Variants in CNTNAP4 observed in about 807,000 individuals in gnomAD.
CNTNAP4 encodes contactin-associated protein-like 4.
In CNTNAP4, 98 loss-of-function variants were observed where a neutral mutation model predicts 148.4. The observed-to-expected ratio is 0.66, with a 90% CI of 0.56 to 0.78. CNTNAP4 has a LOEUF of 0.78. Ranked by LOEUF, CNTNAP4 falls within the 30% of genes least tolerant of loss-of-function variation. CNTNAP4 has a pLI of 0.00. For synonymous variants in CNTNAP4, 730 were observed against 565.1 expected (o/e 1.29, Z -4.14); for missense variants, 1,935 against 1,565.6 (o/e 1.24, Z -3.98).
intron 12 of CNTNAP4, among the ~76,000 whole-genome samples, chr16:76,481,927 A>G (rs12596078): frequency 0.36 from 54,480 of 151,902 alleles, 11,208 homozygotes; most frequent in Middle Eastern, 0.48. Flanking sequence ...GGGGAAGAGT[A>G]TGGGCTTCAT....
At chr16:76,348,327 G>T (rs538826819) in intron 2 of CNTNAP4, among the ~76,000 whole-genome samples, 3 of 151,966 alleles carry the variant, frequency 2.0e-5, no homozygotes, top group Non-Finnish European at 4.4e-5. Context: ...AAGTAGAATA[G>T]AATTCTCCAG....
chr16:76,328,481 C>G (rs1217088857), intron 2 of CNTNAP4, among the ~76,000 whole-genome samples: 1 of 152,144 alleles, frequency 6.6e-6, no homozygotes, highest in African/African-American at 2.4e-5. Context: ...TGACTAAACG[C>G]AACAACATGA....
At chr16:76,387,181 A>C (rs1315539299) in intron 3 of CNTNAP4, among the ~76,000 whole-genome samples, 1 of 152,114 alleles carries the variant, frequency 6.6e-6, no homozygotes, top group Admixed American at 6.6e-5. Context: ...AATTTGGTAC[A>C]CTCCATGCCT....
intron 2 of CNTNAP4, among the ~76,000 whole-genome samples, chr16:76,335,462 A>G (rs370009592): frequency 2.0e-5 from 3 of 152,180 alleles, no homozygotes; most frequent in Non-Finnish European, 4.4e-5. Flanking sequence ...ATGAGCAGGC[A>G]GAAGGCATCC....
At chr16:76,433,284 C>T (rs1231530488) in intron 4 of CNTNAP4, among the ~76,000 whole-genome samples, 2 of 152,034 alleles carry the variant, frequency 1.3e-5, no homozygotes, top group Non-Finnish European at 2.9e-5. Flanking sequence ...TAAAGGTTAG[C>T]CTACCAGGAG....
At position 76,277,733 on chromosome 16, in the gene CNTNAP4, A is replaced by T; in HGVS notation, c.71A>T (p.Glu24Val). ...LLSTQNWNRV[E>V]AGNSYDCDDP... Reference sequence around the variant, plus strand: ...TCTACTCAAAATTGGAACAGAGTCGAAGCTGGGAATTCCTGTAAGTATACA... The same window carrying T: ...TCTACTCAAAATTGGAACAGAGTCGTAGCTGGGAATTCCTGTAAGTATACA... Residue 24 changes from glutamate to valine, a missense_variant, in exon 1 of 24, where the codon GAA (glutamate) becomes GTA (valine). By Grantham distance (121) the Glu-to-Val change is moderately radical. Coordinates refer to ENST00000611870, the MANE Select transcript of CNTNAP4 (RefSeq NM_033401.5). 6.3e-7 allele frequency: 1 copy of T among 1,596,952 alleles called. No homozygotes were observed. The highest frequency in any genetic ancestry group is 8.6e-7 in the Non-Finnish European group (1 of 1,169,580).
chr16:76,342,102 A>G (rs1349809044), intron 2 of CNTNAP4, among the ~76,000 whole-genome samples: 1 of 152,188 alleles, frequency 6.6e-6, no homozygotes, highest in East Asian at 1.9e-4. Context: ...TGAAAGCATC[A>G]TCCCTCAAGA....
chr16:76,362,067 TTACTA>T (rs2144554014), intron 3 of CNTNAP4, among the ~76,000 whole-genome samples: 1 of 152,244 alleles, frequency 6.6e-6, no homozygotes, highest in African/African-American at 2.4e-5. Context: ...TGATATATTT[TTACTA>T]TACTATTATT....
chr16:76,364,987 C>T (rs1490181498), intron 3 of CNTNAP4, among the ~76,000 whole-genome samples: 1 of 152,062 alleles, frequency 6.6e-6, no homozygotes, highest in Non-Finnish European at 1.5e-5. Flanking sequence ...AGGTTTTCTT[C>T]TAGGGTTTTT....
At chr16:76,461,773 A>G (rs1043259260) in intron 8 of CNTNAP4, among the ~76,000 whole-genome samples, 183 bp from the exon 9 acceptor site, 3 of 152,082 alleles carry the variant, frequency 2.0e-5, no homozygotes, top group African/African-American at 7.2e-5. Context: ...GGAATGCCCC[A>G]TTTTCCACAT....
intron 2 of CNTNAP4, among the ~76,000 whole-genome samples, chr16:76,322,555 A>G (rs1962534250): frequency 6.6e-6 from 1 of 152,166 alleles, no homozygotes. Context: ...TTGGCAAGAT[A>G]TTTCACCACC....
intron 1 of CNTNAP4, among the ~76,000 whole-genome samples, chr16:76,311,905 T>A (rs1961163015): frequency 6.6e-6 from 1 of 152,186 alleles, no homozygotes. Flanking sequence ...CTTAATTTTT[T>A]AAAAATGCAA....
chr16:76,361,149 A>AC (rs1567851078), intron 3 of CNTNAP4, among the ~76,000 whole-genome samples: 1 of 152,030 alleles, frequency 6.6e-6, no homozygotes, highest in African/African-American at 2.4e-5. Flanking sequence ...GTTAAAAAAA[A>AC]ACTTAACATG....
At chr16:76,326,215 G>A (rs972559834) in intron 2 of CNTNAP4, among the ~76,000 whole-genome samples, 8 of 152,326 alleles carry the variant, frequency 5.3e-5, no homozygotes, top group Admixed American at 1.3e-4. Flanking sequence ...TATAAATGCA[G>A]AATGCTCTAA....
At chr16:76,343,666 A>G (rs1183383608) in intron 2 of CNTNAP4, among the ~76,000 whole-genome samples, 1 of 152,064 alleles carries the variant, frequency 6.6e-6, no homozygotes, top group Non-Finnish European at 1.5e-5. Context: ...ATGGTTTGTT[A>G]CATTTGCTTA....
At chr16:76,320,056 G>A (rs1411953046) in intron 2 of CNTNAP4, among the ~76,000 whole-genome samples, 1 of 152,162 alleles carries the variant, frequency 6.6e-6, no homozygotes, top group African/African-American at 2.4e-5. Flanking sequence ...TGAGGCACTT[G>A]ATAGAAAAAA....
chr16:76,517,467 T>C (rs2083291784), intron 15 of CNTNAP4, among the ~76,000 whole-genome samples: 1 of 152,236 alleles, frequency 6.6e-6, no homozygotes, highest in South Asian at 2.1e-4. Context: ...GGCTTATTTC[T>C]TTATGATTAT....
At chr16:76,446,795 A>G (rs1387407888) in intron 4 of CNTNAP4, among the ~76,000 whole-genome samples, 1 of 152,206 alleles carries the variant, frequency 6.6e-6, no homozygotes, top group Non-Finnish European at 1.5e-5. Context: ...TGATGAGTCT[A>G]TGCTATGTGT....
At chr16:76,439,408 C>T (rs1425657847) in intron 4 of CNTNAP4, among the ~76,000 whole-genome samples, 2 of 152,090 alleles carry the variant, frequency 1.3e-5, no homozygotes, top group Non-Finnish European at 2.9e-5. Flanking sequence ...ATCCCTCTAG[C>T]ATCTTTGTGT....
Sources: gnomAD v4.1 joint callset for allele counts (sites outside exome capture counted in the v4.1 genomes callset) on GRCh38, gnomAD v4.1.1 for gene constraint, MANE v1.5 for transcripts, NCBI Gene and HGNC (gene_info 2026-07-23, HGNC 2026-07-21) for gene names.